The following THYN1 variants were observed in gnomAD, a reference collection of about 807,000 sequenced individuals.
The protein encoded by THYN1 is thymocyte nuclear protein 1, also known as thymocyte protein thy28.
In THYN1, 32 loss-of-function variants were observed where a neutral mutation model predicts 30.6. That is an observed-to-expected ratio of 1.05 (90% confidence interval 0.79 to 1.40). THYN1 has a LOEUF of 1.40. Among genes scored for constraint, THYN1 ranks in the 40% most tolerant of loss-of-function variants. The probability of loss-of-function intolerance (pLI) is 0.00; values close to 1 mark genes in which losing one functional copy is unlikely to be tolerated. For synonymous variants in THYN1, 107 were observed against 90.8 expected (o/e 1.18, Z -1.01); for missense variants, 259 against 272.6 (o/e 0.95, Z 0.35).
In THYN1 at chr11:134,250,302, T is replaced by A; in HGVS notation, c.264A>T (p.Thr88=). ...EDLKAQPKQT[T]CWDGVRNYQA... ...GGTAGTTACGAACACCATCCCAGCA[T>A]GTTGTCTGTTTGGGCTGTGCTTTGA... Residue 88 remains threonine, a synonymous_variant, in exon 3 of 7, where the codon ACA becomes ACT. Transcript: ENST00000341541. The A allele has an allele frequency of 6.2e-7, 1 of 1,614,170 alleles. No individual in the cohort carries two copies. Among genetic ancestry groups the A allele is most frequent in the East Asian group, 2.2e-5 (1 of 44,870 alleles).
rs1938995230 is a variant in THYN1, at chr11:134,250,422, T to C, written c.223-79A>G. The C allele has an allele frequency of 3.9e-6, 6 of 1,520,780 alleles. No homozygotes were observed. The South Asian group carries it at 4.6e-5, about 12-fold the overall frequency. The allele number at this position is 1,520,780 out of a possible 1,614,324, so 94.2% of individuals were successfully genotyped here. A position where few individuals can be genotyped will look rare whatever the true frequency, so the allele number is the denominator to read the frequency against. On this transcript the variant is annotated intron_variant, in intron 2 of 6. Coordinates refer to ENST00000341541, the MANE Select transcript of THYN1 (RefSeq NM_014174.3). Reference sequence around the variant, plus strand: ...GCACATATGGAAGCAGACAGTTCCTTCCCCTAAAATGAGAGGGGCCACTGG... The same window carrying C: ...GCACATATGGAAGCAGACAGTTCCTCCCCCTAAAATGAGAGGGGCCACTGG...
rs1938930743 is a variant in THYN1, at chr11:134,249,208, A to G, written c.439T>C (p.Tyr147His). 6.2e-7 allele frequency: 1 copy of G among 1,614,152 alleles called. No homozygotes were observed. Among genetic ancestry groups the G allele is most frequent in the Non-Finnish European group, 8.5e-7 (1 of 1,180,026 alleles). ...TTGTCCTCTTTGCTAGATGGGTCAT[A>G]ATGGGGATTGTTTTTCTCAAACTGT... ...HTQFEKNNPH[Y>H]DPSSKEDNPK... is the part of the protein sequence containing the mutation. The change falls in exon 5 of 7, where the codon TAT becomes CAT. Residue 147 changes from tyrosine (Y) to histidine (H), a missense_variant. Coordinates refer to ENST00000341541, the MANE Select transcript of THYN1 (RefSeq NM_014174.3).
intron 2 of THYN1, among the ~76,000 whole-genome samples, chr11:134,250,860 C>A (rs1939014612): frequency 6.6e-6 from 1 of 152,170 alleles, no homozygotes. Context: ...TCTCTTGCTA[C>A]AAGGGCAGGG....
chr11:134,253,051 A>C lies in THYN1; in HGVS notation c.-169T>G, dbSNP rs1199466464. 5.0e-6 allele frequency: 7 copies of C among 1,396,832 alleles called. No homozygotes were observed. The highest frequency in any genetic ancestry group is 5.3e-4 in the Middle Eastern group (2 of 3,768). 86.5% of individuals were successfully genotyped at this position (1,396,832 alleles called of 1,614,324 possible). On this transcript the variant is annotated 5_prime_UTR_variant, in exon 1 of 7. The change creates a new upstream start codon in the 5' untranslated region. Transcript: ENST00000341541. ...ACAGACGCCTACGTTTGAGCCCTCA[A>C]ATCCTTCCCTCCGTTATCTGCGCCA...
rs1282078363 is a variant in THYN1 at position 134,253,279 on chromosome 11, G to A, written c.-397C>T. ...CTGAATGGATAATCTAGATGATGAAGTAATTTGCTGGCTACAGACCCAACA... is the reference window on the plus strand; with the variant it reads ...CTGAATGGATAATCTAGATGATGAAATAATTTGCTGGCTACAGACCCAACA... On this transcript the variant is annotated 5_prime_UTR_variant, in exon 1 of 7. Coordinates refer to ENST00000341541, the MANE Select transcript of THYN1 (RefSeq NM_014174.3). 5.2e-6 allele frequency: 7 copies of A among 1,352,216 alleles called. No homozygotes were observed. The highest frequency in any genetic ancestry group is 3.0e-5 in the African/African-American group (2 of 66,734). The allele number at this position is 1,352,216 out of a possible 1,614,324, so 83.8% of individuals were successfully genotyped here. A position where few individuals can be genotyped will look rare whatever the true frequency, so the allele number is the denominator to read the frequency against.
intron 3 of THYN1, 47 bp from the exon 4 acceptor site, chr11:134,249,967 G>A (rs758082142): frequency 1.9e-6 from 3 of 1,569,310 alleles, no homozygotes; most frequent in South Asian, 1.1e-5. Flanking sequence ...CAGCTGGAAA[G>A]TACTAGCTTT....
intron 4 of THYN1, 74 bp downstream of exon 4, chr11:134,249,754 T>A: frequency 7.0e-7 from 1 of 1,421,066 alleles, no homozygotes; most frequent in Non-Finnish European, 9.8e-7. Context: ...CTAATTAAGG[T>A]ATATCCCTTT....
At chr11:134,248,598 G>A (rs758994402) in intron 6 of THYN1, 114 bp from the exon 7 acceptor site, 391 of 1,429,204 alleles carry the variant, frequency 2.7e-4, no homozygotes, top group Non-Finnish European at 3.6e-4. Flanking sequence ...GCAGTCATTC[G>A]TTCAAAACTA....
chr11:134,250,426 C>A (rs949254607), intron 2 of THYN1, 83 bp from the exon 3 acceptor site: 16 of 1,501,580 alleles, frequency 1.1e-5, no homozygotes, highest in Non-Finnish European at 1.4e-5. Context: ...GTTCCTTCCC[C>A]TAAAATGAGA....
rs1000160445 is a variant in THYN1, at chr11:134,248,688, T to TA, written c.631+120dup. The TA allele has an allele frequency of 1.5e-5, 21 of 1,439,860 alleles. No individual in the cohort carries two copies. The African/African-American group carries it at 2.3e-4, about 16-fold the overall frequency. 89.2% of individuals were successfully genotyped at this position (1,439,860 alleles called of 1,614,324 possible). On this transcript the variant is annotated intron_variant, in intron 6 of 6. Coordinates refer to ENST00000341541, the MANE Select transcript of THYN1 (RefSeq NM_014174.3). ...GCCACATTCCCTCCCTCATGGGTGT[T>TA]ACAGGTGAGGATGCTGACTGAGAAA... is the stretch of plus-strand genomic sequence containing the variant.
intron 1 of THYN1, among the ~76,000 whole-genome samples, chr11:134,252,121 T>C (rs1939100999): frequency 6.6e-6 from 1 of 152,226 alleles, no homozygotes; most frequent in Non-Finnish European, 1.5e-5. Context: ...TTAATGACTA[T>C]ACTGCCTCTG....
At position 134,250,336 on chromosome 11, in the gene THYN1, A is replaced by T; in HGVS notation, c.230T>A (p.Ile77Asn). 2 of 1,614,176 alleles carry T rather than the reference A, an allele frequency of 1.2e-6. No individual in the cohort carries two copies. The highest frequency in any genetic ancestry group is 1.7e-6 in the Non-Finnish European group (2 of 1,180,004). Residue 77 changes from isoleucine (I) to asparagine (N), a missense_variant, in exon 3 of 7, where the codon ATT becomes AAT. Coordinates refer to ENST00000341541, the MANE Select transcript of THYN1 (RefSeq NM_014174.3). Reference sequence around the variant, plus strand: ...TTTGGGCTGTGCTTTGAGATCCTCAATGCTGAACTAGGCAAGAGGAAATAA... The same window carrying T: ...TTTGGGCTGTGCTTTGAGATCCTCATTGCTGAACTAGGCAAGAGGAAATAA... ...LEKGVDVKFS[I>N]EDLKAQPKQT...
In THYN1 at chr11:134,249,870, G is replaced by A; in HGVS notation, c.342C>T (p.Tyr114=). ...TGCCTGGCTCTTTGCAGTTGCTATG[G>A]TAGAAGAAGGCTTCTTCTCCCAGCT... The part of the protein sequence containing the change: ...AMKLGEEAFF[Y]HSNCKEPGIA... The change falls in exon 4 of 7, where the codon TAC becomes TAT. Residue 114 remains tyrosine, a synonymous_variant. Transcript: ENST00000341541. 1 of 1,614,126 alleles carries A rather than the reference G, an allele frequency of 6.2e-7. No homozygotes were observed. Among genetic ancestry groups the A allele is most frequent in the Non-Finnish European group, 8.5e-7 (1 of 1,180,002 alleles).
chr11:134,253,309 G>A lies in THYN1; in HGVS notation c.-427C>T, dbSNP rs907145823. The stretch of plus-strand genomic sequence containing the variant: ...TTGCTGGCTACAGACCCAACACTCT[G>A]CAGACTCGACTGCGGTCCGCCTCCG... On this transcript the variant is annotated 5_prime_UTR_variant, in exon 1 of 7. Coordinates refer to ENST00000341541, the MANE Select transcript of THYN1 (RefSeq NM_014174.3). 2.9e-6 allele frequency: 4 copies of A among 1,393,182 alleles called. No homozygotes were observed. Among genetic ancestry groups the A allele is most frequent in the Non-Finnish European group, 3.7e-6 (4 of 1,073,770 alleles). 86.3% of individuals were successfully genotyped at this position (1,393,182 alleles called of 1,614,324 possible).
rs1938893192 is a variant in THYN1 at position 134,248,495 on chromosome 11, A to T, written c.632-11T>A. On this transcript the variant is annotated splice_polypyrimidine_tract_variant and intron_variant, in intron 6 of 6. Transcript: ENST00000341541. The stretch of plus-strand genomic sequence containing the variant: ...CAAAATCAAACTCTTCTACAAAAAA[A>T]AAAGGGAAAAAGGAAGGATTAGTTT... 6.2e-7 allele frequency: 1 copy of T among 1,614,034 alleles called. No homozygotes were observed.
chr11:134,250,178 A>G (rs1223291994), intron 3 of THYN1, 97 bp downstream of exon 3: 1 of 1,428,056 alleles, frequency 7.0e-7, no homozygotes, highest in African/African-American at 1.4e-5. Context: ...AGAAAAAGCA[A>G]CCTTGGCCAA....
At chr11:134,252,356 C>T (rs570113) in intron 1 of THYN1, among the ~76,000 whole-genome samples, 41,932 of 152,128 alleles carry the variant, frequency 0.28, 6,413 homozygotes, top group Middle Eastern at 0.39. Flanking sequence ...CAATGTTCCT[C>T]CTCCTCCATC....
intron 4 of THYN1, 128 bp from the exon 5 acceptor site, chr11:134,249,390 T>C (rs1372688803): frequency 6.1e-6 from 5 of 824,286 alleles, no homozygotes; most frequent in Admixed American, 2.1e-5. Flanking sequence ...GTACAGCCAA[T>C]GGGGGCTCAG....
chr11:134,248,302 GA>G lies in THYN1; in HGVS notation c.*135del. On this transcript the variant is annotated 3_prime_UTR_variant, in exon 7 of 7. Coordinates refer to ENST00000341541, the MANE Select transcript of THYN1 (RefSeq NM_014174.3). ...AGTTCTTCAACTTTGATATTTTATT[GA>G]AAAAAGTACACAAAAACCACTGAGG... 9.6e-7 allele frequency: 1 copy of G among 1,039,666 alleles called. No homozygotes were observed. Among genetic ancestry groups the G allele is most frequent in the Non-Finnish European group, 1.5e-6 (1 of 656,582 alleles). 64.4% of individuals were successfully genotyped at this position (1,039,666 alleles called of 1,614,324 possible). A position where few individuals can be genotyped will look rare whatever the true frequency, so the allele number is the denominator to read the frequency against.
Sources: gnomAD v4.1 joint callset for allele counts (sites outside exome capture counted in the v4.1 genomes callset) on GRCh38, gnomAD v4.1.1 for gene constraint, MANE v1.5 for transcripts, NCBI Gene and HGNC (gene_info 2026-07-23, HGNC 2026-07-21) for gene names.